Variants in TRPM3 observed in about 807,000 individuals in gnomAD.
TRPM3 encodes the protein long transient receptor potential channel 3.
In TRPM3, 77 loss-of-function variants were observed where a neutral mutation model predicts 181.2. The ratio of observed to expected loss-of-function variants is 0.42; its 90% CI spans 0.35 to 0.51. The LOEUF is 0.51. TRPM3 is among the 20% of genes least tolerant of loss of function. The probability of loss-of-function intolerance (pLI) is 0.01; values close to 1 mark genes in which losing one functional copy is unlikely to be tolerated. For synonymous variants in TRPM3, 745 were observed against 796.4 expected (o/e 0.94, Z 1.09); for missense variants, 1,759 against 2,196.7 (o/e 0.80, Z 3.98).
chr9:70,541,130 G>A (rs2043227819), intron 25 of TRPM3, among the ~76,000 whole-genome samples: 1 of 152,146 alleles, frequency 6.6e-6, no homozygotes, highest in Admixed American at 6.5e-5. Context: ...AGAAGGTACA[G>A]GAGGAAGAGT....
At chr9:71,438,564 T>C (rs1174473457) in intron 1 of TRPM3, among the ~76,000 whole-genome samples, 3 of 152,068 alleles carry the variant, frequency 2.0e-5, no homozygotes, top group Non-Finnish European at 2.9e-5. Flanking sequence ...TCCCAGCTAC[T>C]TGGAAGGCTG....
chr9:71,178,355 G>A (rs180735240), intron 1 of TRPM3, among the ~76,000 whole-genome samples: 43 of 152,112 alleles, frequency 2.8e-4, no homozygotes, highest in African/African-American at 1.0e-3. Context: ...AATAGAGTAA[G>A]TAATACAGTC....
At chr9:70,924,847 C>A (rs2096704776) in intron 1 of TRPM3, among the ~76,000 whole-genome samples, 1 of 152,162 alleles carries the variant, frequency 6.6e-6, no homozygotes, top group Non-Finnish European at 1.5e-5. Flanking sequence ...TTACCCCCAA[C>A]AACCATCTAA....
chr9:71,073,859 CTTACTT>C (rs1208436916), intron 1 of TRPM3, among the ~76,000 whole-genome samples: 1 of 152,056 alleles, frequency 6.6e-6, no homozygotes, highest in Non-Finnish European at 1.5e-5. Flanking sequence ...TTATGATTAT[CTTACTT>C]TTATTTCCCT....
chr9:71,195,504 T>A (rs531920549), intron 1 of TRPM3, among the ~76,000 whole-genome samples: 1 of 152,204 alleles, frequency 6.6e-6, no homozygotes, highest in African/African-American at 2.4e-5. Flanking sequence ...TCTACACTGT[T>A]GGTGGGAGTA....
chr9:71,311,631 T>A (rs2087945704), intron 1 of TRPM3, among the ~76,000 whole-genome samples: 1 of 151,772 alleles, frequency 6.6e-6, no homozygotes, highest in Admixed American at 6.6e-5. Flanking sequence ...GAGTCATAGA[T>A]CTCAATGTAA....
In TRPM3 at chr9:70,639,072, T is replaced by C. The variant is rs1196006646; in HGVS notation, c.1569A>G (p.Glu523=). Residue 523 remains glutamate, a synonymous_variant, in exon 11 of 26, where the codon GAA becomes GAG. Transcript: ENST00000677713. The part of the protein sequence containing the change: ...HRFLTISRLE[E]LYNTRHGPSN... ...AGTTTGGCCCTACCGTATTGTACAA[T>C]TCCTCTAGTCTGGAGATGGTGAGAA... is the stretch of plus-strand genomic sequence containing the variant. The C allele has an allele frequency of 1.2e-6, 2 of 1,613,624 alleles. No individual in the cohort carries two copies. The highest frequency in any genetic ancestry group is 4.5e-5 in the East Asian group (2 of 44,846).
chr9:70,911,230 T>A (rs1259528471), intron 1 of TRPM3, among the ~76,000 whole-genome samples: 1 of 152,212 alleles, frequency 6.6e-6, no homozygotes, highest in African/African-American at 2.4e-5. Context: ...GGGTCACACT[T>A]TGGAAAGGAT....
chr9:71,253,935 T>A (rs2082510739), intron 1 of TRPM3, among the ~76,000 whole-genome samples: 1 of 152,196 alleles, frequency 6.6e-6, no homozygotes, highest in Admixed American at 6.5e-5. Flanking sequence ...TTATTATTAT[T>A]ATTGAGATGG....
intron 1 of TRPM3, among the ~76,000 whole-genome samples, chr9:71,364,473 G>T (rs560043381): frequency 6.6e-6 from 1 of 152,348 alleles, no homozygotes; most frequent in East Asian, 1.9e-4. Flanking sequence ...GCCTTCAGCA[G>T]TGTCAGGGAG....
chr9:70,962,141 C>G (rs1030977158), intron 1 of TRPM3, among the ~76,000 whole-genome samples: 1 of 152,016 alleles, frequency 6.6e-6, no homozygotes. Context: ...ACTGATTTAG[C>G]CTTTAAACTT....
chr9:70,884,149 G>A (rs750873521), intron 1 of TRPM3, among the ~76,000 whole-genome samples: 2 of 152,068 alleles, frequency 1.3e-5, no homozygotes, highest in African/African-American at 4.8e-5. Context: ...TCAGTGTTAG[G>A]GTGTGGTTTA....
intron 19 of TRPM3, among the ~76,000 whole-genome samples, chr9:70,606,747 G>C (rs1031987488): frequency 6.6e-6 from 1 of 151,974 alleles, no homozygotes; most frequent in African/African-American, 2.4e-5. Context: ...AAGTAAGTCA[G>C]TAGGAGAACT....
chr9:71,131,190 G>C (rs1187788911), intron 1 of TRPM3, among the ~76,000 whole-genome samples: 1 of 152,090 alleles, frequency 6.6e-6, no homozygotes, highest in Non-Finnish European at 1.5e-5. Context: ...TTTGTTTCCT[G>C]TCACGGGACA....
intron 1 of TRPM3, among the ~76,000 whole-genome samples, chr9:71,174,388 A>T (rs2077006982): frequency 6.6e-6 from 1 of 152,064 alleles, no homozygotes; most frequent in African/African-American, 2.4e-5. Flanking sequence ...CTAAAAATAC[A>T]AAAATTAGCC....
intron 1 of TRPM3, among the ~76,000 whole-genome samples, chr9:70,975,359 C>T (rs752445751): frequency 3.9e-5 from 6 of 152,114 alleles, no homozygotes; most frequent in African/African-American, 4.8e-5. Flanking sequence ...CAAGGAAATA[C>T]GTAGTGGAAA....
intron 1 of TRPM3, among the ~76,000 whole-genome samples, chr9:71,080,735 A>G (rs2064173715): frequency 6.6e-6 from 1 of 152,166 alleles, no homozygotes; most frequent in South Asian, 2.1e-4. Flanking sequence ...GAGGAAGTGC[A>G]ACATTAAATA....
At chr9:70,550,835 GA>G (rs1381059282) in intron 24 of TRPM3, among the ~76,000 whole-genome samples, 1 of 152,200 alleles carries the variant, frequency 6.6e-6, no homozygotes, top group Non-Finnish European at 1.5e-5. Context: ...GAAAATACCA[GA>G]AATTAGACTG....
chr9:70,599,132 C>G (rs1053888702), intron 20 of TRPM3, among the ~76,000 whole-genome samples: 2 of 152,142 alleles, frequency 1.3e-5, no homozygotes, highest in Non-Finnish European at 2.9e-5. Flanking sequence ...CTCACCACCT[C>G]CACTGCTGCC....
Sources: allele counts gnomAD v4.1 joint callset (sites outside exome capture counted in the v4.1 genomes callset), GRCh38; gene constraint gnomAD v4.1.1; transcripts MANE v1.5; gene names NCBI Gene and HGNC (gene_info 2026-07-23, HGNC 2026-07-21).